USH2A: variants seen among roughly 807,000 people sequenced by gnomAD.
The protein encoded by USH2A is usherin, also known as Usher syndrome 2A (autosomal recessive, mild).
In USH2A, 443 loss-of-function variants were observed where a neutral mutation model predicts 538.9. That is an observed-to-expected ratio of 0.82 (90% CI 0.76 to 0.89). The LOEUF is 0.89. Among genes scored for constraint, USH2A ranks in the 40% least tolerant of loss-of-function variants. The probability of loss-of-function intolerance (pLI) is 0.00; values close to 1 mark genes in which losing one functional copy is unlikely to be tolerated. For missense variants in USH2A, 6,633 were observed against 6,324.8 expected (o/e 1.05, Z -1.65); for synonymous variants, 2,413 against 2,273.5 (o/e 1.06, Z -1.75).
At chr1:216,023,626 T>C (rs1180075036) in intron 32 of USH2A, among the ~76,000 whole-genome samples, 3 of 151,980 alleles carry the variant, frequency 2.0e-5, no homozygotes, top group Admixed American at 6.6e-5. Context: ...TATAATTATA[T>C]ACAGTAGATG....
rs1039085875 is a variant in USH2A, at chr1:215,787,278, C to A, written c.10183-404G>T. Among the ~76,000 whole-genome samples the A allele has an allele frequency of 3.3e-5, 5 of 152,168 alleles. No homozygotes were observed. The South Asian group carries it at 6.2e-4, about 19-fold the overall frequency. On this transcript the variant is annotated intron_variant, in intron 51 of 71. Coordinates refer to ENST00000307340, the MANE Select transcript of USH2A (RefSeq NM_206933.4). The stretch of plus-strand genomic sequence containing the variant: ...GTCTTTAAACTTAGTATACACACTA[C>A]AAATATTTTATTTTTGCTATTTGAT...
chr1:216,187,466 T>C (rs1478134502), intron 20 of USH2A, among the ~76,000 whole-genome samples: 1 of 151,960 alleles, frequency 6.6e-6, no homozygotes, highest in Non-Finnish European at 1.5e-5. Context: ...GAGCAAAGTT[T>C]TGAAATGTGC....
chr1:215,952,664 TC>T (rs1374653675), intron 37 of USH2A, among the ~76,000 whole-genome samples: 1 of 152,202 alleles, frequency 6.6e-6, no homozygotes, highest in Non-Finnish European at 1.5e-5. Context: ...GATATGAAAT[TC>T]TGGGTTAAAA....
intron 64 of USH2A, among the ~76,000 whole-genome samples, chr1:215,668,733 T>C (rs936730258): frequency 5.3e-5 from 8 of 152,250 alleles, no homozygotes; most frequent in Admixed American, 6.5e-5. Flanking sequence ...TTCCATTCCA[T>C]AGAAAACTGG....
intron 18 of USH2A, among the ~76,000 whole-genome samples, chr1:216,197,009 T>C (rs1164359188): frequency 6.6e-6 from 1 of 152,110 alleles, no homozygotes; most frequent in Non-Finnish European, 1.5e-5. Context: ...AGTGGATAGA[T>C]AGGAAATTAT....
chr1:216,272,137 G>C lies in USH2A; in HGVS notation c.1971+17143C>G, dbSNP rs574423822. Among the ~76,000 whole-genome samples, 6 of 152,180 alleles carry C rather than the reference G, an allele frequency of 3.9e-5. No individual in the cohort carries two copies. The East Asian group carries it at 9.7e-4, about 25-fold the overall frequency. Reference sequence around the variant, plus strand: ...CATTAGTGAAGCCATTTGGGACTGAGATTTTCCTTGTTGAAAGGTTTTTAG... The same window carrying C: ...CATTAGTGAAGCCATTTGGGACTGACATTTTCCTTGTTGAAAGGTTTTTAG... On this transcript the variant is annotated intron_variant, in intron 11 of 71. Coordinates refer to ENST00000307340, the MANE Select transcript of USH2A (RefSeq NM_206933.4).
chr1:215,674,604 G>C lies in USH2A; in HGVS notation c.13307C>G (p.Ser4436Cys), dbSNP rs751208743. The change falls in exon 63 of 72, where the codon TCT becomes TGT. Residue 4436 changes from serine to cysteine, a missense_variant. Physicochemically the swap from Ser to Cys is moderately radical, Grantham distance 112. Coordinates refer to ENST00000307340, the MANE Select transcript of USH2A (RefSeq NM_206933.4). ...TGGCAGGGCCTCCATTGTCCAGGCA[G>C]ATTTTGACACACTAGCTGTGCAACC... is the stretch of plus-strand genomic sequence containing the variant. ...NGGCTASVSK[S>C]AWTMEALPEN... 1 of 1,614,152 alleles carries C rather than the reference G, an allele frequency of 6.2e-7. No homozygotes were observed. The highest frequency in any genetic ancestry group is 8.5e-7 in the Non-Finnish European group (1 of 1,180,020).
chr1:216,199,128 G>T (rs540822995), intron 17 of USH2A, among the ~76,000 whole-genome samples: 1 of 152,122 alleles, frequency 6.6e-6, no homozygotes, highest in South Asian at 2.1e-4. Context: ...TGATATAAAT[G>T]ATTAAAAATC....
At chr1:216,053,093 A>G (rs1260800647) in intron 30 of USH2A, among the ~76,000 whole-genome samples, 1 of 152,246 alleles carries the variant, frequency 6.6e-6, no homozygotes, top group Non-Finnish European at 1.5e-5. Flanking sequence ...ATAAGAAAAT[A>G]TTGGAACTAG....
intron 70 of USH2A, 78 bp from the exon 71 acceptor site, chr1:215,629,113 C>G: frequency 7.2e-7 from 1 of 1,392,404 alleles, no homozygotes; most frequent in Non-Finnish European, 1.0e-6. Context: ...GTGTCTCACA[C>G]ATTGTCAGTG....
chr1:215,785,955 A>G (rs1473423461), intron 52 of USH2A, among the ~76,000 whole-genome samples: 1 of 151,934 alleles, frequency 6.6e-6, no homozygotes, highest in Non-Finnish European at 1.5e-5. Flanking sequence ...ACACACACAC[A>G]CACACACACA....
At chr1:215,791,120 A>T (rs895787173) in intron 50 of USH2A, among the ~76,000 whole-genome samples, 1 of 152,250 alleles carries the variant, frequency 6.6e-6, no homozygotes, top group Admixed American at 6.5e-5. Context: ...GCCATCAAAG[A>T]GAAATGGCAG....
intron 3 of USH2A, among the ~76,000 whole-genome samples, chr1:216,390,376 G>A (rs932261084): frequency 6.6e-6 from 1 of 152,014 alleles, no homozygotes; most frequent in African/African-American, 2.4e-5. Context: ...CTTAAAAATT[G>A]AACATAACTG....
intron 14 of USH2A, among the ~76,000 whole-genome samples, chr1:216,220,318 C>T (rs544416790): frequency 6.6e-6 from 1 of 150,860 alleles, no homozygotes; most frequent in South Asian, 2.1e-4. Context: ...CAGCTATGTT[C>T]CAGGACTGGA....
In USH2A at chr1:216,422,097, G is replaced by A. The variant is rs1007368693; in HGVS notation, c.240C>T (p.Thr80=). 1.9e-6 allele frequency: 3 copies of A among 1,613,652 alleles called. No individual in the cohort carries two copies. The African/African-American group carries it at 4.0e-5, about 22-fold the overall frequency. ...SAAAESIQFC[T]QRFCIQDCPY... is the part of the protein sequence containing the mutation. ...GGCAATCCTGAATACAAAACCGCTG[G>A]GTACAGAACTGAATACTTTCAGCAG... is the stretch of plus-strand genomic sequence containing the variant. Residue 80 remains threonine, a synonymous_variant, in exon 2 of 72, where the codon ACC becomes ACT. Transcript: ENST00000307340.
At chr1:216,148,228 C>G (rs1165182394) in intron 21 of USH2A, among the ~76,000 whole-genome samples, 1 of 151,656 alleles carries the variant, frequency 6.6e-6, no homozygotes, top group Non-Finnish European at 1.5e-5. Context: ...TTAAAACTCC[C>G]CAACTCTGGT....
intron 37 of USH2A, among the ~76,000 whole-genome samples, chr1:215,953,534 C>G (rs1364604047): frequency 6.6e-6 from 1 of 152,072 alleles, no homozygotes; most frequent in Non-Finnish European, 1.5e-5. Context: ...AACTGGATCC[C>G]TTCCTTACAC....
At chr1:215,821,911 T>C (rs1239974528) in intron 47 of USH2A, among the ~76,000 whole-genome samples, 1 of 151,970 alleles carries the variant, frequency 6.6e-6, no homozygotes, top group Admixed American at 6.6e-5. Flanking sequence ...TTGGTTCCTT[T>C]GTTAAAAATG....
At chr1:215,883,881 T>C (rs1055055854) in intron 41 of USH2A, among the ~76,000 whole-genome samples, 1 of 152,212 alleles carries the variant, frequency 6.6e-6, no homozygotes, top group Admixed American at 6.5e-5. Flanking sequence ...TTTAGTCTTC[T>C]ATTTATACTT....
Sources: gnomAD v4.1 joint callset for allele counts (sites outside exome capture counted in the v4.1 genomes callset) on GRCh38, gnomAD v4.1.1 for gene constraint, MANE v1.5 for transcripts, NCBI Gene and HGNC (gene_info 2026-07-23, HGNC 2026-07-21) for gene names.